DOCK4: variants seen among roughly 807,000 people sequenced by gnomAD.
The protein encoded by DOCK4 is dedicator of cytokinesis protein 4.
A neutral mutation model predicts 268.1 loss-of-function variants in DOCK4; 97 were observed. That is an observed-to-expected ratio of 0.36 (90% CI 0.31 to 0.43). DOCK4 has a LOEUF of 0.43. DOCK4 is among the 20% of genes least tolerant of loss of function. The pLI, the probability that DOCK4 is intolerant of heterozygous loss-of-function variation, is 1.00. For synonymous variants in DOCK4, 954 were observed against 887.2 expected, an observed-to-expected ratio of 1.08 and a Z score of -1.34; for missense variants, 2,145 against 2,455.7, an observed-to-expected ratio of 0.87 and a Z score of 2.67.
chr7:112,050,081 G>C (rs1173356119), intron 1 of DOCK4, among the ~76,000 whole-genome samples: 1 of 152,124 alleles, frequency 6.6e-6, no homozygotes, highest in Non-Finnish European at 1.5e-5. Flanking sequence ...ATACAGAGCA[G>C]ACACTCAAAA....
chr7:111,914,381 T>C (rs1001716611), intron 13 of DOCK4, among the ~76,000 whole-genome samples: 1 of 152,182 alleles, frequency 6.6e-6, no homozygotes, highest in African/African-American at 2.4e-5. Context: ...TGTAAAGCAG[T>C]GTCACACCTC....
At chr7:111,960,835 C>A (rs1004532036) in intron 8 of DOCK4, among the ~76,000 whole-genome samples, 3 of 152,104 alleles carry the variant, frequency 2.0e-5, no homozygotes, top group Non-Finnish European at 4.4e-5. Flanking sequence ...CCAGGTACAT[C>A]CATGTTGTCC....
At chr7:111,923,517 A>T (rs1367075134) in intron 12 of DOCK4, among the ~76,000 whole-genome samples, 1 of 152,134 alleles carries the variant, frequency 6.6e-6, no homozygotes, top group Non-Finnish European at 1.5e-5. Flanking sequence ...TTATCTAGAT[A>T]TGACTTTTAT....
intron 8 of DOCK4, among the ~76,000 whole-genome samples, chr7:111,953,411 C>G (rs1293007806): frequency 2.0e-5 from 3 of 152,122 alleles, no homozygotes; most frequent in Non-Finnish European, 4.4e-5. Context: ...CAATAGAATA[C>G]AAACGTAAGG....
intron 1 of DOCK4, among the ~76,000 whole-genome samples, chr7:112,120,675 A>C (rs1812651442): frequency 6.6e-6 from 1 of 152,212 alleles, no homozygotes. Flanking sequence ...ACATCTGTTT[A>C]TGAATTTAGG....
At position 112,082,436 on chromosome 7, in the gene DOCK4, C is replaced by T. The variant is rs1427100666; in HGVS notation, c.38-78305G>A. ...TGGCTAGAAATAGCGGGGGTGGTTG[C>T]TGTGGTACAAAATCTACCTTCCCTA... is the stretch of plus-strand genomic sequence containing the variant. On this transcript the variant is annotated intron_variant, in intron 1 of 52. Coordinates refer to ENST00000428084, the MANE Select transcript of DOCK4 (RefSeq NM_001363540.2). Among the ~76,000 whole-genome samples, 5 of 152,258 alleles carry T rather than the reference C, an allele frequency of 3.3e-5. No individual in the cohort carries two copies. In the South Asian group the frequency reaches 6.2e-4, roughly 19 times the overall value.
chr7:112,186,865 C>T (rs1014161405), intron 1 of DOCK4, among the ~76,000 whole-genome samples: 9 of 152,048 alleles, frequency 5.9e-5, no homozygotes, highest in Middle Eastern at 3.2e-3. Flanking sequence ...ATTTCAGGGA[C>T]ATATAAAAGA....
At chr7:112,173,894 G>T (rs369033627) in intron 1 of DOCK4, among the ~76,000 whole-genome samples, 2 of 152,136 alleles carry the variant, frequency 1.3e-5, no homozygotes, top group East Asian at 3.9e-4. Context: ...CCTGACAACA[G>T]CAAGGCACTG....
chr7:111,873,153 C>A (rs2134242890), intron 17 of DOCK4, among the ~76,000 whole-genome samples: 1 of 152,354 alleles, frequency 6.6e-6, no homozygotes, highest in East Asian at 1.9e-4. Flanking sequence ...CTGAGAAGAG[C>A]AGCTCCTGGA....
At position 111,969,766 on chromosome 7, in the gene DOCK4, C is replaced by G. The variant is rs1300859293; in HGVS notation, c.701+7366G>C. ...TAAGAATTAATATACACATCCGTAG[C>G]TGCACAACCTATGGAAAGCATAAAC... is the stretch of plus-strand genomic sequence containing the variant. On this transcript the variant is annotated intron_variant, in intron 8 of 52. Coordinates refer to ENST00000428084, the MANE Select transcript of DOCK4 (RefSeq NM_001363540.2). Among the ~76,000 whole-genome samples, 3 of 152,062 alleles carry G rather than the reference C, an allele frequency of 2.0e-5. No individual in the cohort carries two copies. The East Asian group carries it at 5.8e-4, about 29-fold the overall frequency.
intron 1 of DOCK4, among the ~76,000 whole-genome samples, chr7:112,047,845 A>C (rs955106511): frequency 6.6e-6 from 1 of 152,112 alleles, no homozygotes; most frequent in Non-Finnish European, 1.5e-5. Flanking sequence ...GGTGCATGCC[A>C]CCATGCCTGG....
At chr7:111,792,689 GT>G (rs1051591981) in intron 30 of DOCK4, among the ~76,000 whole-genome samples, 1 of 151,926 alleles carries the variant, frequency 6.6e-6, no homozygotes, top group Admixed American at 6.6e-5. Flanking sequence ...GGCTTACAGG[GT>G]TTTTTTTAAG....
intron 50 of DOCK4, among the ~76,000 whole-genome samples, chr7:111,736,352 G>A (rs1422687530): frequency 6.6e-6 from 1 of 152,146 alleles, no homozygotes; most frequent in East Asian, 1.9e-4. Context: ...TTCATCTTCT[G>A]CCGTGTTGCA....
intron 25 of DOCK4, among the ~76,000 whole-genome samples, chr7:111,835,689 G>T (rs896751883): frequency 6.6e-6 from 1 of 152,174 alleles, no homozygotes; most frequent in Non-Finnish European, 1.5e-5. Context: ...ATTTAATTGG[G>T]AACTGGTTTC....
intron 1 of DOCK4, among the ~76,000 whole-genome samples, chr7:112,179,304 T>C (rs1314157919): frequency 1.3e-5 from 2 of 151,970 alleles, no homozygotes; most frequent in Non-Finnish European, 2.9e-5. Context: ...GAGGATCACT[T>C]GTGCCTGGGA....
At chr7:112,066,589 C>T (rs1341380201) in intron 1 of DOCK4, among the ~76,000 whole-genome samples, 1 of 129,244 alleles carries the variant, frequency 7.7e-6, no homozygotes, top group Non-Finnish European at 1.5e-5. Context: ...TGTATATATA[C>T]ACATATACAT....
At chr7:112,057,110 G>A (rs1335908270) in intron 1 of DOCK4, among the ~76,000 whole-genome samples, 3 of 152,014 alleles carry the variant, frequency 2.0e-5, no homozygotes, top group Middle Eastern at 3.2e-3. Context: ...TTAAGCTAAG[G>A]TTAAAAATAA....
intron 16 of DOCK4, among the ~76,000 whole-genome samples, chr7:111,893,576 T>G (rs545584309): frequency 4.6e-5 from 7 of 152,364 alleles, no homozygotes; most frequent in African/African-American, 1.4e-4. Context: ...TTGCCTGTTA[T>G]ATTATATATC....
intron 23 of DOCK4, among the ~76,000 whole-genome samples, chr7:111,861,757 A>T (rs1396938264): frequency 7.2e-6 from 1 of 138,178 alleles, no homozygotes; most frequent in Non-Finnish European, 1.5e-5. Context: ...AAAAAAAAAA[A>T]AAATAATAAT....
Sources: gnomAD v4.1 joint callset for allele counts (sites outside exome capture counted in the v4.1 genomes callset) on GRCh38, gnomAD v4.1.1 for gene constraint, MANE v1.5 for transcripts, NCBI Gene and HGNC (gene_info 2026-07-23, HGNC 2026-07-21) for gene names.